The following NRXN3 variants were observed in gnomAD, a reference collection of about 807,000 sequenced individuals.
NRXN3 encodes the protein neurexin 3.
A neutral mutation model predicts 137.6 loss-of-function variants in NRXN3; 32 were observed. The observed-to-expected ratio is 0.23, with a 90% CI of 0.18 to 0.31. The LOEUF (loss-of-function observed/expected upper bound fraction) is 0.31. Ranked by LOEUF, NRXN3 falls within the 10% of genes least tolerant of loss-of-function variation. NRXN3 has a pLI of 1.00. For synonymous variants in NRXN3, 798 were observed against 784.5 expected (o/e 1.02, Z -0.29); for missense variants, 1,574 against 2,062.5 (o/e 0.76, Z 4.59).
intron 15 of NRXN3, among the ~76,000 whole-genome samples, chr14:79,053,821 T>G (rs1010684566): frequency 4.6e-5 from 7 of 152,058 alleles, no homozygotes; most frequent in East Asian, 1.9e-4. Context: ...GAGAGAAATA[T>G]GAAGTTGGAA....
At chr14:79,668,558 G>A (rs185011353) in intron 17 of NRXN3, among the ~76,000 whole-genome samples, 2 of 152,144 alleles carry the variant, frequency 1.3e-5, no homozygotes, top group East Asian at 1.9e-4. Context: ...ATTTCTCAGA[G>A]CCACGATTTT....
intron 8 of NRXN3, among the ~76,000 whole-genome samples, chr14:78,759,102 C>T (rs1331301656): frequency 6.6e-6 from 1 of 152,140 alleles, no homozygotes; most frequent in Non-Finnish European, 1.5e-5. Flanking sequence ...CATTTAGTAC[C>T]TCATCCTCCG....
intron 15 of NRXN3, among the ~76,000 whole-genome samples, chr14:79,342,504 T>G (rs2092662158): frequency 6.6e-6 from 1 of 152,198 alleles, no homozygotes; most frequent in African/African-American, 2.4e-5. Context: ...CTACTTTTTT[T>G]TTTTTTCCTT....
At chr14:79,599,851 C>T (rs534041579) in intron 16 of NRXN3, among the ~76,000 whole-genome samples, 3 of 152,184 alleles carry the variant, frequency 2.0e-5, no homozygotes, top group South Asian at 2.1e-4. Flanking sequence ...AAAAATTAGC[C>T]GGGTGTGGTG....
intron 4 of NRXN3, among the ~76,000 whole-genome samples, chr14:78,466,742 A>T (rs1436963494): frequency 6.6e-6 from 1 of 152,214 alleles, no homozygotes; most frequent in Non-Finnish European, 1.5e-5. Flanking sequence ...TCCTTAGGAT[A>T]GGTTCTTAGA....
intron 16 of NRXN3, among the ~76,000 whole-genome samples, chr14:79,580,841 A>G (rs934608463): frequency 6.6e-6 from 1 of 152,222 alleles, no homozygotes; most frequent in Non-Finnish European, 1.5e-5. Context: ...CAGAAGGAAC[A>G]CAGAATGAAA....
intron 1 of NRXN3, among the ~76,000 whole-genome samples, chr14:78,187,765 T>G (rs1397487860): frequency 6.7e-6 from 1 of 149,512 alleles, no homozygotes; most frequent in Non-Finnish European, 1.5e-5. Flanking sequence ...CTAACTGAAC[T>G]ATTAGGATTT....
chr14:79,104,981 A>G (rs2052108053), intron 15 of NRXN3, among the ~76,000 whole-genome samples: 1 of 152,110 alleles, frequency 6.6e-6, no homozygotes, highest in Non-Finnish European at 1.5e-5. Flanking sequence ...TTTTCATGAT[A>G]TTTCATGTCT....
intron 6 of NRXN3, 60 bp downstream of exon 6, chr14:78,651,386 A>G: frequency 6.5e-7 from 1 of 1,545,368 alleles, no homozygotes; most frequent in Non-Finnish European, 8.9e-7. Flanking sequence ...TAAACAAATG[A>G]CATGTCTAAA....
At chr14:79,344,952 T>A (rs1293565025) in intron 15 of NRXN3, among the ~76,000 whole-genome samples, 4 of 152,222 alleles carry the variant, frequency 2.6e-5, no homozygotes, top group Non-Finnish European at 5.9e-5. Flanking sequence ...GAGTGAACTA[T>A]GTGATTATAT....
At chr14:79,721,934 A>G (rs949206153) in intron 19 of NRXN3, among the ~76,000 whole-genome samples, 1 of 152,128 alleles carries the variant, frequency 6.6e-6, no homozygotes, top group African/African-American at 2.4e-5. Context: ...GATTTAGCAC[A>G]TTAAAAGAAC....
At chr14:78,611,772 A>G (rs779441155) in intron 4 of NRXN3, among the ~76,000 whole-genome samples, 11 of 152,216 alleles carry the variant, frequency 7.2e-5, no homozygotes, top group African/African-American at 2.2e-4. Context: ...CTAGCACCCT[A>G]TCTTCTTACT....
intron 15 of NRXN3, among the ~76,000 whole-genome samples, chr14:79,387,285 G>C (rs2094661648): frequency 6.6e-6 from 1 of 152,040 alleles, no homozygotes; most frequent in African/African-American, 2.4e-5. Flanking sequence ...ATCAAAAAGT[G>C]GGCAAAGGAT....
chr14:79,128,589 T>C (rs1418020949), intron 15 of NRXN3, among the ~76,000 whole-genome samples: 8 of 152,058 alleles, frequency 5.3e-5, no homozygotes, highest in Admixed American at 1.3e-4. Flanking sequence ...CAGTATTTTA[T>C]TGAGGATTTT....
At chr14:79,334,523 G>A (rs1235343533) in intron 15 of NRXN3, among the ~76,000 whole-genome samples, 1 of 152,176 alleles carries the variant, frequency 6.6e-6, no homozygotes, top group African/African-American at 2.4e-5. Context: ...GCAGGACAGG[G>A]GGTAAAGTGA....
At chr14:78,792,414 TG>T (rs1301294166) in intron 8 of NRXN3, among the ~76,000 whole-genome samples, 1 of 151,882 alleles carries the variant, frequency 6.6e-6, no homozygotes, top group Non-Finnish European at 1.5e-5. Flanking sequence ...TTAATGCTGA[TG>T]AAAAAAACCA....
intron 16 of NRXN3, among the ~76,000 whole-genome samples, chr14:79,543,479 G>A (rs2153736880): frequency 6.6e-6 from 1 of 152,214 alleles, no homozygotes; most frequent in Non-Finnish European, 1.5e-5. Context: ...CAGGTTCTAG[G>A]GCCTGTGGTT....
At chr14:78,983,854 TAAAAAAAAAAA>T (rs965751583) in intron 14 of NRXN3, among the ~76,000 whole-genome samples, 1 of 105,954 alleles carries the variant, frequency 9.4e-6, no homozygotes, top group Non-Finnish European at 2.0e-5. Flanking sequence ...AGATTCCATT[TAAAAAAAAAAA>T]AAAAAAAGAA....
At chr14:79,259,390 C>T (rs1033288036) in intron 15 of NRXN3, among the ~76,000 whole-genome samples, 2 of 151,816 alleles carry the variant, frequency 1.3e-5, no homozygotes, top group African/African-American at 2.4e-5. Flanking sequence ...TCTGACTTTC[C>T]AATGTAGGGC....
Sources: allele counts gnomAD v4.1 joint callset (sites outside exome capture counted in the v4.1 genomes callset), GRCh38; gene constraint gnomAD v4.1.1; transcripts MANE v1.5; gene names NCBI Gene and HGNC (gene_info 2026-07-23, HGNC 2026-07-21).